The following GAK variants were observed in gnomAD, a reference collection of about 807,000 sequenced individuals.
GAK encodes the protein cyclin-G-associated kinase.
GAK carries 79 observed loss-of-function variants against 143.9 expected under a neutral mutation model. The ratio of observed to expected loss-of-function variants is 0.55; its 90% CI spans 0.46 to 0.66. GAK has a LOEUF of 0.66. Ranked by LOEUF, GAK falls within the 30% of genes least tolerant of loss-of-function variation. The pLI is 0.00. For synonymous variants in GAK, 881 were observed against 765.5 expected (o/e 1.15, Z -2.49); for missense variants, 1,693 against 1,779.7 (o/e 0.95, Z 0.88).
At chr4:864,696 G>A (rs1382087863) in intron 23 of GAK, among the ~76,000 whole-genome samples, 5 of 152,150 alleles carry the variant, frequency 3.3e-5, no homozygotes, top group East Asian at 3.9e-4. Context: ...GGCATCGGCC[G>A]CAACACCGAG....
chr4:901,093 A>T (rs1292235071), intron 5 of GAK, among the ~76,000 whole-genome samples: 1 of 152,282 alleles, frequency 6.6e-6, no homozygotes, highest in Non-Finnish European at 1.5e-5. Context: ...GCTATAAAGT[A>T]GGAGTGTACA....
intron 11 of GAK, chr4:884,353 T>TCTGA (rs781718651): frequency 8.8e-5 from 42 of 478,538 alleles, no homozygotes; most frequent in Admixed American, 1.8e-4. Context: ...ACATCCGCTG[T>TCTGA]CTGACTGCCC....
chr4:872,060 G>A (rs1410981388), intron 18 of GAK, among the ~76,000 whole-genome samples: 1 of 152,236 alleles, frequency 6.6e-6, no homozygotes, highest in African/African-American at 2.4e-5. Context: ...AGCAGAGTGG[G>A]ATCCGCCGAG....
At chr4:902,605 A>AAAAAAAAAAAC (rs1180561371) in intron 5 of GAK, among the ~76,000 whole-genome samples, 4,240 of 130,298 alleles carry the variant, frequency 0.033, 271 homozygotes, top group East Asian at 0.18. Context: ...TCAAAAAAAA[A>AAAAAAAAAAAC]AAAAAAAAAC....
At chr4:913,315 T>G (rs1722369817) in intron 2 of GAK, among the ~76,000 whole-genome samples, 1 of 152,200 alleles carries the variant, frequency 6.6e-6, no homozygotes, top group African/African-American at 2.4e-5. Context: ...CATAGAGCCC[T>G]TATTTTGGCA....
chr4:915,948 T>C (rs986448431), intron 1 of GAK, among the ~76,000 whole-genome samples: 3 of 152,232 alleles, frequency 2.0e-5, no homozygotes, highest in African/African-American at 7.2e-5. Context: ...CATGATTATC[T>C]ATGCAGAAAA....
At chr4:899,747 C>T (rs1044329031) in intron 5 of GAK, among the ~76,000 whole-genome samples, 5 of 152,210 alleles carry the variant, frequency 3.3e-5, no homozygotes, top group African/African-American at 9.7e-5. Flanking sequence ...CCAACCACAG[C>T]GCCCTGCAGA....
At chr4:888,729 C>G in intron 11 of GAK, 118 bp downstream of exon 11, 1 of 1,280,374 alleles carries the variant, frequency 7.8e-7, no homozygotes, top group Non-Finnish European at 1.1e-6. Flanking sequence ...CCCACTGCCT[C>G]AGGGGCCCCT....
rs1466120068 is a variant in GAK at position 904,750 on chromosome 4, C to G, written c.412G>C (p.Glu138Gln). The change falls in exon 5 of 28, where the codon GAA (glutamate) becomes CAA (glutamine). Residue 138 changes from glutamate (E) to glutamine (Q), a missense_variant. This residue lies in a region of GAK where 871 missense variants were observed against 991.0 expected (regional missense o/e 0.88). Transcript: ENST00000314167. ...GQLVEFLKKM[E>Q]SRGPLSCDTV... Reference sequence around the variant, plus strand: ...TCGCACGAAAGGGGGCCTCGAGATTCCATTTTCTTCAAAAATTCCACCAGC... The same window carrying G: ...TCGCACGAAAGGGGGCCTCGAGATTGCATTTTCTTCAAAAATTCCACCAGC... 2.5e-6 allele frequency: 4 copies of G among 1,614,044 alleles called. No individual in the cohort carries two copies. The highest frequency in any genetic ancestry group is 2.5e-6 in the Non-Finnish European group (3 of 1,180,010).
intron 5 of GAK, 83 bp from the exon 6 acceptor site, chr4:898,241 A>T (rs1318870413): frequency 1.3e-6 from 2 of 1,531,620 alleles, no homozygotes; most frequent in Non-Finnish European, 1.8e-6. Flanking sequence ...TGTGAGACAC[A>T]GCCAGGGCCC....
At chr4:869,236 G>GCA (rs1379965478) in intron 19 of GAK, 3 of 116,194 alleles carry the variant, frequency 2.6e-5, no homozygotes, top group Non-Finnish European at 5.2e-5. Flanking sequence ...TGCACAGACA[G>GCA]CACACACACA....
intron 6 of GAK, among the ~76,000 whole-genome samples, chr4:896,950 T>A (rs1423740012): frequency 2.0e-5 from 3 of 152,316 alleles, no homozygotes; most frequent in African/African-American, 7.2e-5. Flanking sequence ...CCAGGGTACG[T>A]GAGGGTATCT....
chr4:862,348 G>C (rs986290955), intron 23 of GAK, among the ~76,000 whole-genome samples: 2 of 152,224 alleles, frequency 1.3e-5, no homozygotes, highest in Admixed American at 6.5e-5. Flanking sequence ...GCAGATATAA[G>C]ACGGCCTAAG....
chr4:888,788 G>A (rs552211873), intron 11 of GAK, 59 bp downstream of exon 11: 30 of 1,554,034 alleles, frequency 1.9e-5, no homozygotes, highest in African/African-American at 1.1e-4. Flanking sequence ...AGCAAGGGCC[G>A]GGGCTGCAGC....
At chr4:850,264 G>A in intron 26 of GAK, 196 bp from the exon 27 acceptor site, 2 of 484,484 alleles carry the variant, frequency 4.1e-6, no homozygotes, top group Non-Finnish European at 3.6e-6. Flanking sequence ...GGGCCAGGTG[G>A]TCTTCATGTT....
At chr4:882,986 A>G (rs1039308922) in intron 13 of GAK, among the ~76,000 whole-genome samples, 167 bp from the exon 14 acceptor site, 3 of 152,240 alleles carry the variant, frequency 2.0e-5, no homozygotes, top group African/African-American at 4.8e-5. Context: ...CTGGCCTTGC[A>G]GACAGAGCTC....
intron 15 of GAK, 94 bp downstream of exon 15, chr4:881,813 C>T (rs2152810814): frequency 1.4e-6 from 2 of 1,391,464 alleles, no homozygotes; most frequent in South Asian, 1.4e-5. Context: ...CCTGCAGCGG[C>T]ACCGACTGGC....
Position 882,184 on chromosome 4 carries a change from C to T in GAK, c.1528-144G>A, listed in dbSNP as rs1715270648. ...AAGCTGGGATATGTTTAGGGAGCTA[C>T]ATAACGTGCCTGCCGAGGCAAGAAT... On this transcript the variant is annotated intron_variant, in intron 14 of 27. Transcript: ENST00000314167. 4.5e-5 allele frequency: 42 copies of T among 923,720 alleles called. No individual in the cohort carries two copies. In the Admixed American group the frequency reaches 1.1e-3, roughly 24 times the overall value. 57.2% of individuals were successfully genotyped at this position (923,720 alleles called of 1,614,324 possible). A position where few individuals can be genotyped will look rare whatever the true frequency, so the allele number is the denominator to read the frequency against.
intron 5 of GAK, among the ~76,000 whole-genome samples, chr4:899,919 G>GC (rs1286529446): frequency 1.3e-5 from 2 of 152,218 alleles, no homozygotes; most frequent in Non-Finnish European, 2.9e-5. Context: ...GCCACCACTG[G>GC]CCCCCGAGGA....
Sources: allele counts gnomAD v4.1 joint callset (sites outside exome capture counted in the v4.1 genomes callset), GRCh38; gene constraint gnomAD v4.1.1; regional missense constraint gnomAD v4.1.1; transcripts MANE v1.5; gene names NCBI Gene and HGNC (gene_info 2026-07-23, HGNC 2026-07-21).